BCKDHB: variants seen among roughly 807,000 people sequenced by gnomAD.
BCKDHB encodes the protein 2-oxoisovalerate dehydrogenase subunit beta, mitochondrial.
Under a neutral mutation model 48.5 loss-of-function variants are expected in BCKDHB, and 41 were observed. The observed-to-expected ratio is 0.85, with a 90% CI of 0.66 to 1.10. BCKDHB has a LOEUF of 1.10. Ranked by LOEUF, BCKDHB falls within the 50% of genes least tolerant of loss-of-function variation. BCKDHB has a pLI of 0.00. For synonymous variants in BCKDHB, 201 were observed against 174.8 expected (o/e 1.15, Z -1.18); for missense variants, 496 against 494.2 (o/e 1.00, Z -0.03).
intron 9 of BCKDHB, among the ~76,000 whole-genome samples, chr6:80,309,784 G>C (rs1395078638): frequency 6.6e-6 from 1 of 152,140 alleles, no homozygotes; most frequent in African/African-American, 2.4e-5. Context: ...GGGATTTGGT[G>C]TACAGATTAT....
intron 3 of BCKDHB, among the ~76,000 whole-genome samples, chr6:80,163,143 C>A (rs1772403397): frequency 6.6e-6 from 1 of 151,894 alleles, no homozygotes; most frequent in Admixed American, 6.6e-5. Flanking sequence ...GTCTTGAACT[C>A]CTGGGCTCAA....
intron 3 of BCKDHB, among the ~76,000 whole-genome samples, chr6:80,134,944 G>A (rs1770810348): frequency 6.6e-6 from 1 of 151,936 alleles, no homozygotes; most frequent in Admixed American, 6.6e-5. Context: ...TAGAGATGGG[G>A]TTTCATCATG....
chr6:80,121,867 G>A (rs534202560), intron 1 of BCKDHB, among the ~76,000 whole-genome samples: 7 of 151,936 alleles, frequency 4.6e-5, no homozygotes, highest in Admixed American at 2.0e-4. Flanking sequence ...GCCTGATTGC[G>A]GCTAGAACTT....
At chr6:80,287,620 A>G (rs1185860548) in intron 9 of BCKDHB, among the ~76,000 whole-genome samples, 2 of 152,178 alleles carry the variant, frequency 1.3e-5, no homozygotes, top group Non-Finnish European at 1.5e-5. Flanking sequence ...AGTTCTCAGC[A>G]AAGAGATGGG....
At chr6:80,393,377 G>T in the BCKDHB span, among the ~76,000 whole-genome samples, 1 of 152,118 alleles carries the variant, frequency 6.6e-6, no homozygotes, top group South Asian at 2.1e-4. Flanking sequence ...GCCTTTAGGA[G>T]ATGACTAGTT....
At chr6:80,395,654 C>A in the BCKDHB span, among the ~76,000 whole-genome samples, 1 of 152,220 alleles carries the variant, frequency 6.6e-6, no homozygotes, top group Non-Finnish European at 1.5e-5. Flanking sequence ...TCAAGGTCTT[C>A]TGCAGAAATT....
the BCKDHB span, among the ~76,000 whole-genome samples, chr6:80,417,843 G>A: frequency 6.6e-6 from 1 of 152,020 alleles, no homozygotes; most frequent in African/African-American, 2.4e-5. Context: ...ATCTTACTGA[G>A]GTTCCCTGTA....
At chr6:80,220,405 G>GTTTTTTTTTTTTTTTTTGTTTTT (rs1775383415) in intron 8 of BCKDHB, among the ~76,000 whole-genome samples, 1 of 33,854 alleles carries the variant, frequency 3.0e-5, no homozygotes, top group African/African-American at 8.5e-5. Flanking sequence ...CTTTAGTAGT[G>GTTTTTTTTTTTTTTTTTGTTTTT]TTTTTTTTTT....
chr6:80,179,671 G>A (rs1490077252), intron 6 of BCKDHB, among the ~76,000 whole-genome samples: 1 of 152,128 alleles, frequency 6.6e-6, no homozygotes, highest in East Asian at 1.9e-4. Flanking sequence ...TCCCTATGTA[G>A]TATATAGTCC....
the BCKDHB span, among the ~76,000 whole-genome samples, chr6:80,451,329 T>TA: frequency 6.6e-6 from 1 of 152,208 alleles, no homozygotes; most frequent in Non-Finnish European, 1.5e-5. Flanking sequence ...TTCAACTTTT[T>TA]AAAAGCTTTG....
chr6:80,398,309 AT>A, the BCKDHB span, among the ~76,000 whole-genome samples: 10 of 152,168 alleles, frequency 6.6e-5, no homozygotes, highest in African/African-American at 1.9e-4. Context: ...TTAAAAAAAA[AT>A]AAGAGAGATA....
the BCKDHB span, among the ~76,000 whole-genome samples, chr6:80,380,289 A>C: frequency 3.9e-5 from 6 of 152,136 alleles, no homozygotes; most frequent in East Asian, 9.7e-4. Context: ...TCATATACCT[A>C]TAACCAATGG....
chr6:80,409,133 C>T, the BCKDHB span, among the ~76,000 whole-genome samples: 1 of 152,018 alleles, frequency 6.6e-6, no homozygotes, highest in African/African-American at 2.4e-5. Context: ...ATTATTTACC[C>T]ATTAGTCATT....
chr6:80,346,788 G>T (rs781764889), downstream of BCKDHB, among the ~76,000 whole-genome samples: 1 of 152,084 alleles, frequency 6.6e-6, no homozygotes, highest in African/African-American at 2.4e-5. Context: ...TTCTTACTCT[G>T]CCTCTTCTGC....
chr6:80,323,211 T>C (rs914791940), intron 9 of BCKDHB, among the ~76,000 whole-genome samples: 1 of 152,164 alleles, frequency 6.6e-6, no homozygotes, highest in Admixed American at 6.5e-5. Flanking sequence ...GTATGCTCCA[T>C]AGGTGTTAGC....
intron 8 of BCKDHB, among the ~76,000 whole-genome samples, chr6:80,248,345 T>G (rs774873815): frequency 2.0e-5 from 3 of 152,218 alleles, no homozygotes; most frequent in Admixed American, 6.5e-5. Flanking sequence ...ATACACTGCT[T>G]TTTTATACTG....
At chr6:80,317,093 C>T (rs1006069325) in intron 9 of BCKDHB, among the ~76,000 whole-genome samples, 5 of 152,134 alleles carry the variant, frequency 3.3e-5, no homozygotes, top group South Asian at 2.1e-4. Flanking sequence ...CAGATGTGGC[C>T]GTTCTCTCTG....
At chr6:80,128,171 A>G (rs1467024600) in intron 2 of BCKDHB, among the ~76,000 whole-genome samples, 2 of 151,902 alleles carry the variant, frequency 1.3e-5, no homozygotes, top group Admixed American at 6.6e-5. Context: ...TATTTAACAT[A>G]TATCTATATA....
intron 9 of BCKDHB, among the ~76,000 whole-genome samples, chr6:80,280,488 AG>A (rs1489094842): frequency 6.6e-6 from 1 of 152,210 alleles, no homozygotes; most frequent in Non-Finnish European, 1.5e-5. Flanking sequence ...TGGACCACAT[AG>A]AAGATGTTGG....
Sources: allele counts gnomAD v4.1 joint callset (sites outside exome capture counted in the v4.1 genomes callset), GRCh38; gene constraint gnomAD v4.1.1; transcripts MANE v1.5; gene names NCBI Gene and HGNC (gene_info 2026-07-23, HGNC 2026-07-21).